LPIN1: variants seen among roughly 807,000 people sequenced by gnomAD.
The protein encoded by LPIN1 is phosphatidate phosphatase LPIN1.
Under a neutral mutation model 107.5 loss-of-function variants are expected in LPIN1, and 71 were observed. The observed-to-expected ratio is 0.66, with a 90% CI of 0.55 to 0.80. The LOEUF (loss-of-function observed/expected upper bound fraction) is 0.80. Ranked by LOEUF, LPIN1 falls within the 30% of genes least tolerant of loss-of-function variation. The pLI, the probability that LPIN1 is intolerant of heterozygous loss-of-function variation, is 0.00. For missense variants in LPIN1, 1,043 were observed against 1,160.6 expected (o/e 0.90, Z 1.47); for synonymous variants, 445 against 452.6 (o/e 0.98, Z 0.21).
chr2:11,731,182 A>T (rs1419629902), intron 1 of LPIN1, among the ~76,000 whole-genome samples: 1 of 152,126 alleles, frequency 6.6e-6, no homozygotes, highest in African/African-American at 2.4e-5. Flanking sequence ...TCTAGGTTTA[A>T]GCCCTGCATG....
At chr2:11,695,021 C>G (rs150545371) in intron 1 of LPIN1, among the ~76,000 whole-genome samples, 1 of 152,140 alleles carries the variant, frequency 6.6e-6, no homozygotes, top group Non-Finnish European at 1.5e-5. Context: ...TACCTGAAAA[C>G]CAAGGCCCCA....
chr2:11,791,870 T>G (rs757605181), intron 12 of LPIN1, 44 bp from the exon 13 acceptor site: 1 of 1,606,460 alleles, frequency 6.2e-7, no homozygotes, highest in Non-Finnish European at 8.5e-7. Context: ...GCTAAGTTGA[T>G]CTTTTTTTGT....
At chr2:11,764,054 A>ATGTGTGTG (rs146894219) in intron 1 of LPIN1, 1 of 104,382 alleles carries the variant, frequency 9.6e-6, no homozygotes, top group African/African-American at 4.3e-5. Context: ...CTATCTTCAA[A>ATGTGTGTG]TGTGTGTGTG....
chr2:11,760,100 G>A (rs1445016408), intron 1 of LPIN1, among the ~76,000 whole-genome samples: 1 of 150,914 alleles, frequency 6.6e-6, no homozygotes, highest in Non-Finnish European at 1.5e-5. Context: ...GGGCAGAGGC[G>A]CTCCCCACAT....
intron 1 of LPIN1, among the ~76,000 whole-genome samples, chr2:11,748,087 C>T (rs944414561): frequency 2.0e-5 from 3 of 152,138 alleles, no homozygotes; most frequent in Non-Finnish European, 4.4e-5. Context: ...TGGGAGAGAA[C>T]GCGAGGGTTC....
In LPIN1 at chr2:11,697,362, C is replaced by G. The variant is rs1231851559; in HGVS notation, c.82-16394C>G. Reference sequence around the variant, plus strand: ...GCTCCAGGCTGGAACAGCAAGCAAGCAGCTCCTGGTGGCCTGTGGCCAGTG... The same window carrying G: ...GCTCCAGGCTGGAACAGCAAGCAAGGAGCTCCTGGTGGCCTGTGGCCAGTG... On this transcript the variant is annotated intron_variant, in intron 1 of 21. Transcript: ENST00000449576. This position sits in a 1 kb window ranked among gnomAD's most constrained non-coding sequence, Gnocchi z 4.6. Among the ~76,000 whole-genome samples, 1 of 152,260 alleles carries G rather than the reference C, an allele frequency of 6.6e-6. No homozygotes were observed. Among genetic ancestry groups the G allele is most frequent in the Non-Finnish European group, 1.5e-5 (1 of 68,046 alleles).
At chr2:11,768,573 CT>C (rs774558103) in intron 3 of LPIN1, among the ~76,000 whole-genome samples, 1 of 152,054 alleles carries the variant, frequency 6.6e-6, no homozygotes, top group African/African-American at 2.4e-5. Context: ...TATTTTATTC[CT>C]TTTTATGGCC....
chr2:11,714,067 A>G (rs1412425668), intron 2 of LPIN1, among the ~76,000 whole-genome samples: 1 of 152,206 alleles, frequency 6.6e-6, no homozygotes, highest in Admixed American at 6.5e-5. Context: ...CAGGCAGAGA[A>G]AGGAGTTTGT....
At chr2:11,718,987 G>A (rs1663939954) in intron 2 of LPIN1, among the ~76,000 whole-genome samples, 1 of 152,022 alleles carries the variant, frequency 6.6e-6, no homozygotes, top group Admixed American at 6.6e-5. Flanking sequence ...TCTGTGATTT[G>A]GCAGATTTTA....
chr2:11,789,227 A>G (rs1202974347), intron 12 of LPIN1, among the ~76,000 whole-genome samples: 1 of 152,168 alleles, frequency 6.6e-6, no homozygotes, highest in Admixed American at 6.5e-5. Flanking sequence ...TTGAAGGTCT[A>G]ATTGGACTTT....
At chr2:11,693,960 G>A (rs1397392170) in intron 1 of LPIN1, among the ~76,000 whole-genome samples, 2 of 144,884 alleles carry the variant, frequency 1.4e-5, no homozygotes, top group Non-Finnish European at 3.0e-5. Context: ...TCAGCCTCCC[G>A]AATAGCTGGG....
At chr2:11,734,763 TACA>T (rs1413637360) in intron 1 of LPIN1, among the ~76,000 whole-genome samples, 1 of 152,196 alleles carries the variant, frequency 6.6e-6, no homozygotes, top group African/African-American at 2.4e-5. Flanking sequence ...TCAAAAGATT[TACA>T]ACATCTCAAA....
intron 1 of LPIN1, among the ~76,000 whole-genome samples, chr2:11,695,771 C>T (rs1305289485): frequency 6.6e-6 from 1 of 152,176 alleles, no homozygotes; most frequent in African/African-American, 2.4e-5. Flanking sequence ...CAGTTCAGAT[C>T]TCACAAGGAA....
Position 11,820,431 on chromosome 2 carries a change from A to G in LPIN1, c.2538A>G (p.Gln846=), listed in dbSNP as rs1286537810. ...NRPADVYSYK[Q]VGVSLNRIFT... ...TATAGGATGTGTATTCATACAAGCA[A>G]GTAGGAGTGTCTTTGAATAGAATAT... The change falls in exon 20 of 21, where the codon CAA becomes CAG. Residue 846 remains glutamine, a synonymous_variant. Transcript: ENST00000674199. 12 of 1,611,750 alleles carry G rather than the reference A, an allele frequency of 7.4e-6. No homozygotes were observed. The highest frequency in any genetic ancestry group is 1.0e-5 in the Non-Finnish European group (12 of 1,177,922).
At chr2:11,731,688 A>C (rs1665248472) in intron 1 of LPIN1, among the ~76,000 whole-genome samples, 1 of 152,228 alleles carries the variant, frequency 6.6e-6, no homozygotes, top group Non-Finnish European at 1.5e-5. Flanking sequence ...TACCACCAAC[A>C]GTGTAAAAGC....
At chr2:11,781,725 G>A (rs1480313429) in intron 7 of LPIN1, among the ~76,000 whole-genome samples, 1 of 152,098 alleles carries the variant, frequency 6.6e-6, no homozygotes, top group Admixed American at 6.5e-5. Context: ...CACCCAGACC[G>A]AGAAGCAGAG....
intron 1 of LPIN1, among the ~76,000 whole-genome samples, chr2:11,702,533 C>CAG (rs1252092494): frequency 1.3e-5 from 2 of 152,218 alleles, no homozygotes; most frequent in Non-Finnish European, 2.9e-5. Context: ...TAAAAAGACA[C>CAG]AGGTAATATG....
chr2:11,802,480 G>A (rs1029098241), intron 14 of LPIN1, among the ~76,000 whole-genome samples: 2 of 152,112 alleles, frequency 1.3e-5, no homozygotes, highest in African/African-American at 4.8e-5. Context: ...TTGTATATTT[G>A]GCGAGCTTTA....
chr2:11,811,266 C>T (rs548429528), intron 17 of LPIN1, among the ~76,000 whole-genome samples: 1 of 152,268 alleles, frequency 6.6e-6, no homozygotes, highest in Admixed American at 6.5e-5. Flanking sequence ...GCTGGGCTGG[C>T]CTGTGTGGCA....
Sources: allele counts gnomAD v4.1 joint callset (sites outside exome capture counted in the v4.1 genomes callset), GRCh38; gene constraint gnomAD v4.1.1; non-coding constraint Gnocchi (gnomAD v3.1); transcripts MANE v1.5; gene names NCBI Gene and HGNC (gene_info 2026-07-23, HGNC 2026-07-21).